The following DYNC2I2 variants were observed in gnomAD, a reference collection of about 807,000 sequenced individuals.
The protein encoded by DYNC2I2 is dynein 2 intermediate chain 2.
In DYNC2I2, 39 loss-of-function variants were observed where a neutral mutation model predicts 52.0. The ratio of observed to expected loss-of-function variants is 0.75; its 90% confidence interval spans 0.58 to 0.98. The LOEUF is 0.98. Ranked by LOEUF, DYNC2I2 falls within the 50% of genes least tolerant of loss-of-function variation. The pLI is 0.00. For synonymous variants in DYNC2I2, 359 were observed against 321.1 expected (o/e 1.12, Z -1.26); for missense variants, 743 against 728.4 (o/e 1.02, Z -0.23).
chr9:128,645,755 G>T (rs1860605045), intron 1 of DYNC2I2, among the ~76,000 whole-genome samples: 2 of 152,134 alleles, frequency 1.3e-5, no homozygotes, highest in Middle Eastern at 3.4e-3. Flanking sequence ...AGGAGGGCAT[G>T]TTGAAAGCTG....
At chr9:128,669,553 C>G in the DYNC2I2 span, among the ~76,000 whole-genome samples, 1 of 152,088 alleles carries the variant, frequency 6.6e-6, no homozygotes, top group Admixed American at 6.6e-5. Context: ...CAAAATTAGC[C>G]GGGCGTAGTG....
chr9:128,655,484 C>T (rs1183803711), intron 1 of DYNC2I2, among the ~76,000 whole-genome samples: 1 of 145,454 alleles, frequency 6.9e-6, no homozygotes, highest in African/African-American at 2.5e-5. Context: ...GCACTCCAGC[C>T]CGGGCGACAG....
chr9:128,662,398 A>G, the DYNC2I2 span, among the ~76,000 whole-genome samples: 1 of 127,518 alleles, frequency 7.8e-6, no homozygotes, highest in Admixed American at 8.9e-5. Flanking sequence ...CACAAGTGTT[A>G]CAGTCTTGGG....
rs969885988 is a variant in DYNC2I2, at chr9:128,633,814, G to A, written c.1541C>T (p.Thr514Ile). 8.7e-6 allele frequency: 14 copies of A among 1,613,412 alleles called. No individual in the cohort carries two copies. Among genetic ancestry groups the A allele is most frequent in the Admixed American group, 1.7e-5 (1 of 60,004 alleles). ...QGTVKVWQLS[T>I]EFTEQGPREA... ...CCGGGGCCCTTGTTCCGTGAACTCT[G>A]TGCTCAGCTGCCACACCTTCACTGT... Residue 514 changes from threonine to isoleucine, a missense_variant, in exon 9 of 9, where the codon ACA (threonine) becomes ATA (isoleucine). By Grantham distance (89) the Thr-to-Ile change is moderately conservative. Transcript: ENST00000372715.
At chr9:128,659,635 G>A (rs563552821), upstream of DYNC2I2, among the ~76,000 whole-genome samples, 23 of 151,522 alleles carry the variant, frequency 1.5e-4, no homozygotes, top group East Asian at 3.7e-3. Flanking sequence ...AGGGCTGGGC[G>A]CAGTAGCTCA....
intron 1 of DYNC2I2, 78 bp from the exon 2 acceptor site, chr9:128,641,017 C>G: frequency 6.7e-7 from 1 of 1,483,582 alleles, no homozygotes; most frequent in South Asian, 1.4e-5. Context: ...CCTGCCCCTC[C>G]TGCTTGACCC....
intron 2 of DYNC2I2, among the ~76,000 whole-genome samples, chr9:128,639,550 T>C (rs1432983315): frequency 6.6e-6 from 1 of 152,130 alleles, no homozygotes; most frequent in Non-Finnish European, 1.5e-5. Context: ...CCAGAGAGAC[T>C]GGGGTTCAAG....
the DYNC2I2 span, among the ~76,000 whole-genome samples, chr9:128,676,846 T>TTG: frequency 6.6e-3 from 991 of 150,144 alleles, 15 homozygotes; most frequent in African/African-American, 0.023. Flanking sequence ...GCTGTTTTTT[T>TTG]TTTTGTTTTG....
Position 128,635,269 on chromosome 9 carries a change from C to T in DYNC2I2, c.814-10G>A. On this transcript the variant is annotated splice_polypyrimidine_tract_variant and intron_variant, in intron 5 of 8. Coordinates refer to ENST00000372715, the MANE Select transcript of DYNC2I2 (RefSeq NM_052844.4). ...CGGGCAGCCACACCACCTGAGTTAA[C>T]AGCATGCAGGGCCAGGATGGAGACA... 3 of 1,612,114 alleles carry T rather than the reference C, an allele frequency of 1.9e-6. No homozygotes were observed. Among genetic ancestry groups the T allele is most frequent in the Non-Finnish European group, 2.5e-6 (3 of 1,179,472 alleles).
chr9:128,638,660 C>T (rs1452988083), intron 2 of DYNC2I2, among the ~76,000 whole-genome samples: 1 of 152,228 alleles, frequency 6.6e-6, no homozygotes, highest in Non-Finnish European at 1.5e-5. Flanking sequence ...GAACAAGCTG[C>T]AGGAGACCAG....
the DYNC2I2 span, among the ~76,000 whole-genome samples, chr9:128,681,813 C>T: frequency 1.3e-5 from 2 of 152,194 alleles, no homozygotes; most frequent in Admixed American, 6.6e-5. Flanking sequence ...GTGGCTCACA[C>T]CTGTAATCCC....
rs1453665881 is a variant in DYNC2I2 at position 128,634,401 on chromosome 9, G to C, written c.1215-18C>G. 4.5e-6 allele frequency: 7 copies of C among 1,559,650 alleles called. No homozygotes were observed. The African/African-American group carries it at 8.2e-5, about 18-fold the overall frequency. On this transcript the variant is annotated intron_variant, in intron 7 of 8. Transcript: ENST00000372715. ...AGAGATTCCTAGACGGGATGCAGGG[G>C]GCCAGGCAAGGGAATCAGTGCTGGG...
intron 1 of DYNC2I2, among the ~76,000 whole-genome samples, chr9:128,654,859 C>T (rs1159173073): frequency 6.6e-6 from 1 of 152,174 alleles, no homozygotes; most frequent in Non-Finnish European, 1.5e-5. Flanking sequence ...AATCCCCAAC[C>T]CAGTCCTTCC....
chr9:128,646,347 T>G (rs1432262536), intron 1 of DYNC2I2, among the ~76,000 whole-genome samples: 1 of 152,196 alleles, frequency 6.6e-6, no homozygotes, highest in African/African-American at 2.4e-5. Context: ...TAGCTGGGAT[T>G]ACAGGTGCCT....
At chr9:128,645,918 G>C (rs1327950227) in intron 1 of DYNC2I2, among the ~76,000 whole-genome samples, 1 of 152,294 alleles carries the variant, frequency 6.6e-6, no homozygotes, top group South Asian at 2.1e-4. Context: ...TAGTGGCTTG[G>C]ATAGAAAATC....
At chr9:128,677,938 C>T in the DYNC2I2 span, among the ~76,000 whole-genome samples, 460 of 152,284 alleles carry the variant, frequency 3.0e-3, 7 homozygotes, top group East Asian at 0.034. Flanking sequence ...GGGAATCCTT[C>T]AACAGCTGTG....
chr9:128,667,024 C>A, the DYNC2I2 span, among the ~76,000 whole-genome samples: 1 of 151,776 alleles, frequency 6.6e-6, no homozygotes, highest in Non-Finnish European at 1.5e-5. Context: ...CATGGTGAAA[C>A]CCCATCTCTA....
chr9:128,645,759 A>C (rs1436628625), intron 1 of DYNC2I2, among the ~76,000 whole-genome samples: 10 of 152,176 alleles, frequency 6.6e-5, no homozygotes, highest in Admixed American at 6.6e-4. Context: ...GGGCATGTTG[A>C]AAGCTGAGAC....
At chr9:128,651,208 T>C (rs1860708317) in intron 1 of DYNC2I2, 2 of 60,536 alleles carry the variant, frequency 3.3e-5, no homozygotes, top group African/African-American at 6.8e-5. Flanking sequence ...ACCTCTATCT[T>C]TCCGTAACCC....
Sources: allele counts gnomAD v4.1 joint callset (sites outside exome capture counted in the v4.1 genomes callset), GRCh38; gene constraint gnomAD v4.1.1; transcripts MANE v1.5; gene names NCBI Gene and HGNC (gene_info 2026-07-23, HGNC 2026-07-21).